Variants in ATP8A2 observed in about 807,000 individuals in gnomAD.
The protein encoded by ATP8A2 is ATPase phospholipid transporting 8A2, also known as phospholipid-transporting ATPase IB.
Under a neutral mutation model 165.6 loss-of-function variants are expected in ATP8A2, and 100 were observed. The observed-to-expected ratio is 0.60, with a 90% CI of 0.51 to 0.71. ATP8A2 has a LOEUF of 0.71. Ranked by LOEUF, ATP8A2 falls within the 30% of genes least tolerant of loss-of-function variation. ATP8A2 has a pLI of 0.00. For synonymous variants in ATP8A2, 543 were observed against 548.8 expected (o/e 0.99, Z 0.15); for missense variants, 1,227 against 1,479.5 (o/e 0.83, Z 2.80).
intron 33 of ATP8A2, among the ~76,000 whole-genome samples, chr13:25,895,095 G>A (rs1409235875): frequency 2.6e-5 from 4 of 152,192 alleles, no homozygotes; most frequent in Non-Finnish European, 4.4e-5. Context: ...GTGAGAGAGG[G>A]CATCCCTGTC....
intron 1 of ATP8A2, among the ~76,000 whole-genome samples, chr13:25,405,040 C>T (rs543680422): frequency 2.6e-5 from 4 of 152,160 alleles, no homozygotes; most frequent in African/African-American, 7.2e-5. Context: ...CAGGGATGGC[C>T]GAATTTCAAG....
intron 33 of ATP8A2, chr13:25,927,025 T>C (rs137910504): frequency 2.4e-6 from 1 of 417,576 alleles, no homozygotes; most frequent in East Asian, 7.2e-5. Flanking sequence ...CTCCTTCTCC[T>C]TGCCACTCTC....
Position 25,372,070 on chromosome 13 carries a change from C to G in ATP8A2, c.-143C>G, listed in dbSNP as rs1184062530. The G allele has an allele frequency of 2.3e-6, 1 of 444,388 alleles. No individual in the cohort carries two copies. Among genetic ancestry groups the G allele is most frequent in the Admixed American group, 5.0e-5 (1 of 19,900 alleles). 27.5% of individuals were successfully genotyped at this position (444,388 alleles called of 1,614,324 possible). A position where few individuals can be genotyped will look rare whatever the true frequency, so the allele number is the denominator to read the frequency against. On this transcript the variant is annotated 5_prime_UTR_variant, in exon 1 of 37. Coordinates refer to ENST00000381655, the MANE Select transcript of ATP8A2 (RefSeq NM_016529.6). This position sits in a 1 kb window ranked among gnomAD's most constrained non-coding sequence, Gnocchi z 4.8. ...CGGCGCAGCCTCGGGCGCGGCCCGG[C>G]ACAGGCGCCGGCGGTCCCCGCCAGC...
intron 2 of ATP8A2, among the ~76,000 whole-genome samples, chr13:25,516,670 TA>T (rs2037481533): frequency 6.6e-6 from 1 of 152,166 alleles, no homozygotes; most frequent in African/African-American, 2.4e-5. Context: ...AGAATCTCAT[TA>T]AAAATGATCC....
chr13:25,485,691 AAACATGTTTAATTACTAT>A (rs2036331180), intron 2 of ATP8A2, among the ~76,000 whole-genome samples: 1 of 152,244 alleles, frequency 6.6e-6, no homozygotes, highest in Non-Finnish European at 1.5e-5. Flanking sequence ...TAACAACTGC[AAACATGTTTAATTACTAT>A]AACAAAACGT....
intron 1 of ATP8A2, among the ~76,000 whole-genome samples, chr13:25,388,481 G>A (rs1011633918): frequency 3.9e-5 from 6 of 152,202 alleles, no homozygotes; most frequent in South Asian, 2.1e-4. Context: ...AAGGGGGTCC[G>A]TGTGAGAGGA....
intron 33 of ATP8A2, among the ~76,000 whole-genome samples, chr13:25,939,914 A>G (rs1955023158): frequency 6.6e-6 from 1 of 152,032 alleles, no homozygotes; most frequent in African/African-American, 2.4e-5. Context: ...TAGGTGGGAC[A>G]TTTCTTCTTG....
intron 26 of ATP8A2, among the ~76,000 whole-genome samples, chr13:25,771,482 CTT>C (rs2044618335): frequency 6.6e-6 from 1 of 152,148 alleles, no homozygotes; most frequent in Admixed American, 6.5e-5. Context: ...ATTTGTCTGT[CTT>C]TTTCTTTAAA....
intron 33 of ATP8A2, among the ~76,000 whole-genome samples, chr13:25,891,721 G>A (rs1342725131): frequency 6.6e-6 from 1 of 152,150 alleles, no homozygotes; most frequent in Non-Finnish European, 1.5e-5. Flanking sequence ...TGATGTTGGA[G>A]GGGATGCGCT....
intron 35 of ATP8A2, among the ~76,000 whole-genome samples, chr13:26,012,296 C>T (rs1173054047): frequency 1.3e-5 from 2 of 152,092 alleles, no homozygotes; most frequent in African/African-American, 4.8e-5. Context: ...CACACTTCAG[C>T]GAGCAGGAAG....
intron 35 of ATP8A2, among the ~76,000 whole-genome samples, chr13:25,975,593 A>T (rs968402108): frequency 2.6e-5 from 4 of 152,122 alleles, no homozygotes; most frequent in African/African-American, 7.2e-5. Flanking sequence ...AAAAAAAAAA[A>T]AGAAGTTTTA....
intron 1 of ATP8A2, among the ~76,000 whole-genome samples, chr13:25,382,795 G>C (rs926802660): frequency 6.7e-6 from 1 of 149,028 alleles, no homozygotes; most frequent in African/African-American, 2.5e-5. Flanking sequence ...TCGCTGTGTC[G>C]CCCAGGCTGG....
intron 33 of ATP8A2, among the ~76,000 whole-genome samples, chr13:25,865,197 G>T (rs1354176925): frequency 6.6e-6 from 1 of 152,126 alleles, no homozygotes; most frequent in Non-Finnish European, 1.5e-5. Context: ...ACATGCCCAC[G>T]CCCTGTTCAT....
intron 1 of ATP8A2, among the ~76,000 whole-genome samples, chr13:25,440,046 C>T (rs2034889544): frequency 6.6e-6 from 1 of 152,052 alleles, no homozygotes; most frequent in Non-Finnish European, 1.5e-5. Flanking sequence ...GGTGCATGTG[C>T]CATCCATCTG....
rs553600547 is a variant in ATP8A2, at chr13:25,388,526, TG to T, written c.76+16243del. Reference sequence around the variant, plus strand: ...ATTGAGCAAGCAGGGAGTACGTGACTGGGGGCTGCGCGCACTGGTAATTAGA... The same window carrying T: ...ATTGAGCAAGCAGGGAGTACGTGACTGGGGCTGCGCGCACTGGTAATTAGA... On this transcript the variant is annotated intron_variant, in intron 1 of 36. Coordinates refer to ENST00000381655, the MANE Select transcript of ATP8A2 (RefSeq NM_016529.6). 2.7e-3 allele frequency among the ~76,000 whole-genome samples: 409 copies of T among 152,272 alleles called. 1 individual carries two copies. Among genetic ancestry groups the T allele is most frequent in the Non-Finnish European group, 4.5e-3 (307 of 68,034 alleles).
In ATP8A2 at chr13:26,020,150, C is replaced by T; in HGVS notation, c.*165C>T. On this transcript the variant is annotated 3_prime_UTR_variant, in exon 37 of 37. Transcript: ENST00000381655. ...GTTAGTTACATATTCCCTCGCAAAC[C>T]TGGAGTGCAGACCACAGGGGAAGCT... 3.2e-6 allele frequency: 2 copies of T among 619,990 alleles called. No individual in the cohort carries two copies. The highest frequency in any genetic ancestry group is 3.9e-5 in the South Asian group (2 of 51,014). 38.4% of individuals were successfully genotyped at this position (619,990 alleles called of 1,614,324 possible).
chr13:25,444,114 T>G (rs1464718002), intron 1 of ATP8A2, among the ~76,000 whole-genome samples: 1 of 152,240 alleles, frequency 6.6e-6, no homozygotes, highest in Non-Finnish European at 1.5e-5. Flanking sequence ...TCCTGCCAAG[T>G]GCAATCACTG....
At chr13:25,403,678 A>G (rs2033710079) in intron 1 of ATP8A2, among the ~76,000 whole-genome samples, 1 of 152,210 alleles carries the variant, frequency 6.6e-6, no homozygotes, top group African/African-American at 2.4e-5. Context: ...CCAGAACACA[A>G]TAGGAACATA....
At chr13:25,655,931 G>A (rs1482154325) in intron 24 of ATP8A2, among the ~76,000 whole-genome samples, 2 of 152,158 alleles carry the variant, frequency 1.3e-5, no homozygotes, top group Non-Finnish European at 2.9e-5. Context: ...CTTGTGAGAT[G>A]TCACTAGATT....
Sources: allele counts gnomAD v4.1 joint callset (sites outside exome capture counted in the v4.1 genomes callset), GRCh38; gene constraint gnomAD v4.1.1; non-coding constraint Gnocchi (gnomAD v3.1); transcripts MANE v1.5; gene names NCBI Gene and HGNC (gene_info 2026-07-23, HGNC 2026-07-21).